LHX9: variants seen among roughly 807,000 people sequenced by gnomAD.
LHX9 encodes the protein LIM homeobox 9.
LHX9 carries 9 observed loss-of-function variants against 36.5 expected under a neutral mutation model. That is an observed-to-expected ratio of 0.25 (90% CI 0.15 to 0.43). The LOEUF (loss-of-function observed/expected upper bound fraction) is 0.43, where lower values mean the gene tolerates loss of function less well. Ranked by LOEUF, LHX9 falls within the 20% of genes least tolerant of loss-of-function variation. LHX9 has a pLI of 1.00. For synonymous variants in LHX9, 211 were observed against 212.1 expected (o/e 0.99, Z 0.04); for missense variants, 464 against 526.4 (o/e 0.88, Z 1.16).
intron 1 of LHX9, 88 bp from the exon 2 acceptor site, chr1:197,919,884 C>A: frequency 7.2e-7 from 1 of 1,394,644 alleles, no homozygotes; most frequent in Admixed American, 1.7e-5. Context: ...CCCTGCACAC[C>A]CTGGGCTTGG....
upstream of LHX9, among the ~76,000 whole-genome samples, chr1:197,914,720 G>C (rs946867187): frequency 6.6e-6 from 1 of 152,104 alleles, no homozygotes; most frequent in South Asian, 2.1e-4. Context: ...AACTCCAGCT[G>C]ACCCCCACCC....
At chr1:197,925,683 C>T (rs1031814446) in intron 3 of LHX9, among the ~76,000 whole-genome samples, 4 of 152,178 alleles carry the variant, frequency 2.6e-5, no homozygotes, top group Non-Finnish European at 5.9e-5. Flanking sequence ...GACATATCCC[C>T]ACTGGGCCAA....
Position 197,921,037 on chromosome 1 carries a change from T to G in LHX9, c.378-267T>G, listed in dbSNP as rs563439913. On this transcript the variant is annotated intron_variant, in intron 2 of 4. Coordinates refer to ENST00000367387, the MANE Select transcript of LHX9 (RefSeq NM_020204.3). This position sits in a 1 kb window ranked among gnomAD's most constrained non-coding sequence, Gnocchi z 4.6. ...CTAACTAGTGGTTTGCTTTTTTAAATTTTTTTTAATGTTTTAAATTTTCAC... is the reference window on the plus strand; with the variant it reads ...CTAACTAGTGGTTTGCTTTTTTAAAGTTTTTTTAATGTTTTAAATTTTCAC... 2.9e-4 allele frequency among the ~76,000 whole-genome samples: 43 copies of G among 150,824 alleles called. No homozygotes were observed. The highest frequency in any genetic ancestry group is 5.4e-4 in the Non-Finnish European group (37 of 67,998).
chr1:197,927,863 C>T (rs1056749079), intron 4 of LHX9, 70 bp downstream of exon 4: 47 of 1,329,774 alleles, frequency 3.5e-5, no homozygotes, highest in Admixed American at 5.2e-5. Context: ...GTGCTCTTCC[C>T]TGGTTAGAGT....
chr1:197,923,221 C>T (rs945226214), intron 3 of LHX9, among the ~76,000 whole-genome samples: 1 of 152,208 alleles, frequency 6.6e-6, no homozygotes, highest in African/African-American at 2.4e-5. Context: ...AAAGGACCTG[C>T]CGGCTCACTG....
Position 197,917,419 on chromosome 1 carries a change from G to A in LHX9, c.-405G>A, listed in dbSNP as rs1419288703. 3 of 1,310,206 alleles carry A rather than the reference G, an allele frequency of 2.3e-6. No individual in the cohort carries two copies. Among genetic ancestry groups the A allele is most frequent in the African/African-American group, 1.5e-5 (1 of 66,088 alleles). The allele number at this position is 1,310,206 out of a possible 1,614,324, so 81.2% of individuals were successfully genotyped here. A position where few individuals can be genotyped will look rare whatever the true frequency, so the allele number is the denominator to read the frequency against. On this transcript the variant is annotated 5_prime_UTR_variant, in exon 1 of 5. Coordinates refer to ENST00000367387, the MANE Select transcript of LHX9 (RefSeq NM_020204.3). ...CACTGGGAACTTGCAAGCAGCCAGG[G>A]AACGCTGAAAATAGCACGTCTTTTT...
upstream of LHX9, among the ~76,000 whole-genome samples, chr1:197,914,580 C>T (rs373623323): frequency 6.6e-6 from 1 of 152,070 alleles, no homozygotes; most frequent in Non-Finnish European, 1.5e-5. Flanking sequence ...GAGTAGAAAA[C>T]CCAGGGTCAC....
At position 197,934,814 on chromosome 1, in the gene LHX9, A is replaced by C. The variant is rs1660411572; in HGVS notation, c.*5555A>C. On this transcript the variant is annotated 3_prime_UTR_variant, in exon 5 of 5. Coordinates refer to ENST00000367387, the MANE Select transcript of LHX9 (RefSeq NM_020204.3). ...TAATGGTTTACTGTTGATTTTAAACATTTTAATAATAGTGCTCTGCCCTCA... is the reference window on the plus strand; with the variant it reads ...TAATGGTTTACTGTTGATTTTAAACCTTTTAATAATAGTGCTCTGCCCTCA... The C allele has an allele frequency of 1.3e-5, 2 of 152,106 alleles. No individual in the cohort carries two copies. Among genetic ancestry groups the C allele is most frequent in the Non-Finnish European group, 2.9e-5 (2 of 68,024 alleles). 9.4% of individuals were successfully genotyped at this position (152,106 alleles called of 1,614,324 possible). A position where few individuals can be genotyped will look rare whatever the true frequency, so the allele number is the denominator to read the frequency against.
chr1:197,932,101 T>C lies in LHX9; in HGVS notation c.*2842T>C. On this transcript the variant is annotated 3_prime_UTR_variant, in exon 5 of 5. Transcript: ENST00000367387. ...CAAAAAAAAAGAGAGAGAGAGAGAC[T>C]TAAATGTCATTTACTGAATGTTAAC... 4.5e-5 allele frequency: 27 copies of C among 601,890 alleles called. No homozygotes were observed. Among genetic ancestry groups the C allele is most frequent in the Non-Finnish European group, 7.3e-5 (25 of 342,750 alleles). 37.3% of individuals were successfully genotyped at this position (601,890 alleles called of 1,614,324 possible).
intron 1 of LHX9, among the ~76,000 whole-genome samples, chr1:197,919,588 C>T (rs1336146060): frequency 6.6e-6 from 1 of 152,230 alleles, no homozygotes. Context: ...CCTTTTCACT[C>T]CCTTATCATT....
Position 197,932,032 on chromosome 1 carries a change from C to A in LHX9, c.*2773C>A. Reference sequence around the variant, plus strand: ...AAATCCACTGCAGTGAAGACAAAGACACTATTAGGTTATGATAATCATACA... The same window carrying A: ...AAATCCACTGCAGTGAAGACAAAGAAACTATTAGGTTATGATAATCATACA... On this transcript the variant is annotated 3_prime_UTR_variant, in exon 5 of 5. Transcript: ENST00000367387. 8.3e-7 allele frequency: 1 copy of A among 1,206,244 alleles called. No homozygotes were observed. The highest frequency in any genetic ancestry group is 1.4e-5 in the South Asian group (1 of 73,498). 74.7% of individuals were successfully genotyped at this position (1,206,244 alleles called of 1,614,324 possible).
At position 197,930,134 on chromosome 1, in the gene LHX9, C is replaced by G; in HGVS notation, c.*875C>G. On this transcript the variant is annotated 3_prime_UTR_variant, in exon 5 of 5. Coordinates refer to ENST00000367387, the MANE Select transcript of LHX9 (RefSeq NM_020204.3). ...ATAATGTTTTAAGAAGTAAAAAAAT[C>G]AATATAATTTAATTAATAGCTCTAT... 3.5e-6 allele frequency: 3 copies of G among 845,974 alleles called. No homozygotes were observed. Among genetic ancestry groups the G allele is most frequent in the Non-Finnish European group, 4.3e-6 (3 of 703,152 alleles). 52.4% of individuals were successfully genotyped at this position (845,974 alleles called of 1,614,324 possible).
upstream of LHX9, chr1:197,912,582 T>G (rs751894094): frequency 9.6e-5 from 155 of 1,612,806 alleles, no homozygotes; most frequent in Non-Finnish European, 1.2e-4. Context: ...CCAGGTTCCT[T>G]CTGATGTTCT....
Position 197,934,464 on chromosome 1 carries a change from A to T in LHX9, c.*5205A>T, listed in dbSNP as rs1660403395. The stretch of plus-strand genomic sequence containing the variant: ...ACCTAATTTTGTATGAAGTTTTGCT[A>T]TTTAAATTTTAACTATGTTATAAAC... On this transcript the variant is annotated 3_prime_UTR_variant, in exon 5 of 5. Coordinates refer to ENST00000367387, the MANE Select transcript of LHX9 (RefSeq NM_020204.3). The T allele has an allele frequency of 6.6e-6, 1 of 152,164 alleles. No individual in the cohort carries two copies. The highest frequency in any genetic ancestry group is 2.4e-5 in the African/African-American group (1 of 41,444). 9.4% of individuals were successfully genotyped at this position (152,164 alleles called of 1,614,324 possible).
upstream of LHX9, chr1:197,915,878 C>T (rs1255416954): frequency 6.6e-6 from 1 of 152,222 alleles, no homozygotes; most frequent in East Asian, 1.9e-4. Context: ...TTCCCTCTCT[C>T]CCTCTCTCCC....
intron 3 of LHX9, among the ~76,000 whole-genome samples, chr1:197,926,835 T>C (rs1043032196): frequency 2.0e-5 from 3 of 152,192 alleles, no homozygotes; most frequent in Non-Finnish European, 4.4e-5. Flanking sequence ...CAGAAATATT[T>C]ATTAAAATCA....
In LHX9 at chr1:197,929,480, T is replaced by A. The variant is rs1027905665; in HGVS notation, c.*221T>A. Reference sequence around the variant, plus strand: ...AATATATTTTGTCTACAAAGTGTATTTGGATTTAAAAAAATTAATTAGGTC... The same window carrying A: ...AATATATTTTGTCTACAAAGTGTATATGGATTTAAAAAAATTAATTAGGTC... On this transcript the variant is annotated 3_prime_UTR_variant, in exon 5 of 5. Transcript: ENST00000367387. 1 of 1,036,578 alleles carries A rather than the reference T, an allele frequency of 9.6e-7. No homozygotes were observed. Among genetic ancestry groups the A allele is most frequent in the Non-Finnish European group, 1.2e-6 (1 of 860,134 alleles). The allele number at this position is 1,036,578 out of a possible 1,614,324, so 64.2% of individuals were successfully genotyped here.
At chr1:197,918,394 T>C in intron 1 of LHX9, 1 of 717,000 alleles carries the variant, frequency 1.4e-6, no homozygotes, top group South Asian at 1.5e-5. Flanking sequence ...TGCCGAGGCG[T>C]CCGAGCCAAG....
In LHX9 at chr1:197,931,838, T is replaced by C; in HGVS notation, c.*2579T>C. ...GGTCTATTGAGCACAAATGGATATT[T>C]GTAAATCTAAATAGAAATTGCAGAC... is the stretch of plus-strand genomic sequence containing the variant. On this transcript the variant is annotated 3_prime_UTR_variant, in exon 5 of 5. Transcript: ENST00000367387. 1 of 954,234 alleles carries C rather than the reference T, an allele frequency of 1.0e-6. No individual in the cohort carries two copies. Among genetic ancestry groups the C allele is most frequent in the South Asian group, 1.5e-5 (1 of 67,784 alleles). 59.1% of individuals were successfully genotyped at this position (954,234 alleles called of 1,614,324 possible). A position where few individuals can be genotyped will look rare whatever the true frequency, so the allele number is the denominator to read the frequency against.
Sources: gnomAD v4.1 joint callset for allele counts (sites outside exome capture counted in the v4.1 genomes callset) on GRCh38, gnomAD v4.1.1 for gene constraint, Gnocchi (gnomAD v3.1) non-coding constraint, MANE v1.5 for transcripts, NCBI Gene and HGNC (gene_info 2026-07-23, HGNC 2026-07-21) for gene names.